Variants in MOB3B observed in about 807,000 individuals in gnomAD.
The protein encoded by MOB3B is MOB kinase activator 3B, also known as MOB kinase activator-like 2B.
A neutral mutation model predicts 18.7 loss-of-function variants in MOB3B; 7 were observed. The ratio of observed to expected loss-of-function variants is 0.37; its 90% CI spans 0.21 to 0.70. The LOEUF is 0.70. Ranked by LOEUF, MOB3B falls within the 30% of genes least tolerant of loss-of-function variation. The pLI is 0.52. For missense variants in MOB3B, 253 were observed against 281.3 expected, an observed-to-expected ratio of 0.90 and a Z score of 0.72; for synonymous variants, 111 against 99.9, an observed-to-expected ratio of 1.11 and a Z score of -0.66.
intron 1 of MOB3B, among the ~76,000 whole-genome samples, chr9:27,523,543 T>C (rs1450390749): frequency 2.6e-5 from 4 of 151,414 alleles, no homozygotes; most frequent in Non-Finnish European, 5.9e-5. Context: ...TATTCTCAAA[T>C]ATAAAACCCC....
chr9:27,369,456 T>C (rs1429616469), intron 2 of MOB3B, among the ~76,000 whole-genome samples: 1 of 152,234 alleles, frequency 6.6e-6, no homozygotes, highest in Non-Finnish European at 1.5e-5. Context: ...GCTTCCTTTC[T>C]TTACTCCTGC....
intron 2 of MOB3B, among the ~76,000 whole-genome samples, chr9:27,434,037 T>C (rs369615967): frequency 6.6e-6 from 1 of 152,310 alleles, no homozygotes; most frequent in East Asian, 1.9e-4. Context: ...ACTCAGGGTA[T>C]TTGCTCACCT....
In MOB3B at chr9:27,455,245, A is replaced by G. The variant is rs777654969; in HGVS notation, c.306T>C (p.Asp102=). The G allele has an allele frequency of 4.3e-6, 7 of 1,614,002 alleles. No homozygotes were observed. The South Asian group carries it at 5.5e-5, about 13-fold the overall frequency. Residue 102 remains aspartate (D), a synonymous_variant, in exon 2 of 4, where the codon GAT becomes GAC. Coordinates refer to ENST00000262244, the MANE Select transcript of MOB3B (RefSeq NM_024761.5). ...CTGTTGGCTTCTTATACTTGAGATC[A>G]TCCTGCCACCGATACTCATATTTGG... ...GGPKYEYRWQ[D]DLKYKKPTAL...
chr9:27,338,707 T>C (rs1820898665), intron 3 of MOB3B, among the ~76,000 whole-genome samples: 1 of 152,232 alleles, frequency 6.6e-6, no homozygotes, highest in African/African-American at 2.4e-5. Flanking sequence ...GGGAGGCCAC[T>C]GTGTCGCTGT....
At chr9:27,427,727 A>G (rs1409691375) in intron 2 of MOB3B, among the ~76,000 whole-genome samples, 2 of 152,208 alleles carry the variant, frequency 1.3e-5, no homozygotes, top group Non-Finnish European at 2.9e-5. Context: ...TCAATACTGA[A>G]TGGGAAATGA....
chr9:27,359,034 C>T lies in MOB3B; in HGVS notation c.621G>A (p.Leu207=), dbSNP rs760883428. 3.7e-6 allele frequency: 6 copies of T among 1,614,072 alleles called. No homozygotes were observed. In the South Asian group the frequency reaches 6.6e-5, roughly 18 times the overall value. Residue 207 remains leucine, a splice_region_variant and synonymous_variant, in exon 3 of 4, where the codon TTG becomes TTA. Coordinates refer to ENST00000262244, the MANE Select transcript of MOB3B (RefSeq NM_024761.5). ...NLIDRKELEP[L]KEMTSRMCH Reference sequence around the variant, plus strand: ...ACCATTATTTCATGGTGTCACTTACCAAAGGCTCTAGCTCCTTGCGGTCTA... The same window carrying T: ...ACCATTATTTCATGGTGTCACTTACTAAAGGCTCTAGCTCCTTGCGGTCTA...
At chr9:27,391,820 G>T (rs1390755014) in intron 2 of MOB3B, 1 of 152,198 alleles carries the variant, frequency 6.6e-6, no homozygotes, top group Admixed American at 6.5e-5. Flanking sequence ...TTTCTTCGAA[G>T]AGATTAATTT....
chr9:27,436,359 G>C (rs1046597264), intron 2 of MOB3B, among the ~76,000 whole-genome samples: 1 of 152,242 alleles, frequency 6.6e-6, no homozygotes, highest in Non-Finnish European at 1.5e-5. Flanking sequence ...CTGAGTGGAA[G>C]AGATTCCTAC....
In MOB3B at chr9:27,410,949, T is replaced by A. The variant is rs557877711; in HGVS notation, c.418+44184A>T. On this transcript the variant is annotated intron_variant, in intron 2 of 3. Transcript: ENST00000262244. ...ACGTCTTAACTATTCTTTGAAAACATGATTTTTAATGGCTGTCCAAAATTG... is the reference window on the plus strand; with the variant it reads ...ACGTCTTAACTATTCTTTGAAAACAAGATTTTTAATGGCTGTCCAAAATTG... 1.7e-3 allele frequency among the ~76,000 whole-genome samples: 266 copies of A among 152,336 alleles called. 2 individuals are homozygous for A. The highest frequency in any genetic ancestry group is 6.1e-3 in the African/African-American group (255 of 41,578).
At chr9:27,522,242 C>CAAAAAAAAAAAAAAAAAAAAAAAA (rs1171362204) in intron 1 of MOB3B, among the ~76,000 whole-genome samples, 5 of 56,046 alleles carry the variant, frequency 8.9e-5, no homozygotes, top group Non-Finnish European at 1.2e-4. Context: ...CCCCGTCTCA[C>CAAAAAAAAAAAAAAAAAAAAAAAA]AAAAAAAAAA....
chr9:27,498,450 G>T (rs1007836485), intron 1 of MOB3B, among the ~76,000 whole-genome samples: 6 of 152,152 alleles, frequency 3.9e-5, no homozygotes, highest in African/African-American at 1.2e-4. Flanking sequence ...GTTCTGCCAT[G>T]GTCTTTGTAA....
intron 2 of MOB3B, among the ~76,000 whole-genome samples, chr9:27,437,097 T>C (rs1317749557): frequency 6.6e-6 from 1 of 152,104 alleles, no homozygotes. Context: ...AAAGAGGAGA[T>C]GGCAAAAGTA....
chr9:27,463,943 T>C (rs1470624202), intron 1 of MOB3B, among the ~76,000 whole-genome samples: 1 of 151,964 alleles, frequency 6.6e-6, no homozygotes, highest in Admixed American at 6.5e-5. Context: ...GGCAGCAGCA[T>C]GAGACCCTGT....
intron 1 of MOB3B, among the ~76,000 whole-genome samples, chr9:27,478,961 T>C (rs1451505073): frequency 6.6e-6 from 1 of 152,034 alleles, no homozygotes. Flanking sequence ...TGGTGGACTT[T>C]TCATCAATAA....
intron 2 of MOB3B, among the ~76,000 whole-genome samples, chr9:27,411,794 T>C (rs1238496519): frequency 6.6e-6 from 1 of 152,210 alleles, no homozygotes; most frequent in Non-Finnish European, 1.5e-5. Context: ...CATAGAACTA[T>C]ACACAACACA....
intron 1 of MOB3B, among the ~76,000 whole-genome samples, chr9:27,466,771 G>C (rs1007664445): frequency 6.6e-6 from 1 of 152,156 alleles, no homozygotes; most frequent in African/African-American, 2.4e-5. Flanking sequence ...ACTATCACAA[G>C]AATAGCACGG....
At chr9:27,499,184 T>C (rs943917524) in intron 1 of MOB3B, among the ~76,000 whole-genome samples, 2 of 152,192 alleles carry the variant, frequency 1.3e-5, no homozygotes, top group Non-Finnish European at 2.9e-5. Flanking sequence ...ATATTGACAA[T>C]TATATTTATT....
intron 3 of MOB3B, among the ~76,000 whole-genome samples, chr9:27,339,924 T>C (rs1647950470): frequency 6.6e-6 from 1 of 152,238 alleles, no homozygotes; most frequent in East Asian, 1.9e-4. Flanking sequence ...TCTGAATTCT[T>C]ATAAAGCAGG....
chr9:27,373,510 C>G (rs971856649), intron 2 of MOB3B, among the ~76,000 whole-genome samples: 1 of 152,138 alleles, frequency 6.6e-6, no homozygotes, highest in African/African-American at 2.4e-5. Context: ...ACCTAAGGAC[C>G]TCCCCCAGGT....
Sources: gnomAD v4.1 joint callset for allele counts (sites outside exome capture counted in the v4.1 genomes callset) on GRCh38, gnomAD v4.1.1 for gene constraint, MANE v1.5 for transcripts, NCBI Gene and HGNC (gene_info 2026-07-23, HGNC 2026-07-21) for gene names.